AVEN: variants seen among roughly 807,000 people sequenced by gnomAD.
AVEN encodes apoptosis and caspase activation inhibitor, also known as cell death regulator Aven.
AVEN carries 41 observed loss-of-function variants against 38.1 expected under a neutral mutation model. That is an observed-to-expected ratio of 1.08 (90% CI 0.84 to 1.40). The LOEUF (loss-of-function observed/expected upper bound fraction) is 1.40. Ranked by LOEUF, AVEN falls within the 40% of genes most tolerant of loss-of-function variation. The pLI, the probability that AVEN is intolerant of heterozygous loss-of-function variation, is 0.00. For missense variants in AVEN, 605 were observed against 438.8 expected (o/e 1.38, Z -3.38); for synonymous variants, 206 against 171.8 (o/e 1.20, Z -1.56).
At chr15:33,998,968 G>C (rs1897040045) in intron 2 of AVEN, among the ~76,000 whole-genome samples, 5 of 152,156 alleles carry the variant, frequency 3.3e-5, no homozygotes, top group Admixed American at 2.0e-4. Context: ...CCCAGGCCTG[G>C]ATCCTGAACC....
In AVEN at chr15:33,866,575, G is replaced by T; in HGVS notation, c.*38C>A. 6.6e-7 allele frequency: 1 copy of T among 1,526,590 alleles called. No individual in the cohort carries two copies. The highest frequency in any genetic ancestry group is 9.1e-7 in the Non-Finnish European group (1 of 1,102,180). The allele number at this position is 1,526,590 out of a possible 1,614,324, so 94.6% of individuals were successfully genotyped here. On this transcript the variant is annotated 3_prime_UTR_variant, in exon 6 of 6. Transcript: ENST00000306730. ...CCTTATGCCCACCTGCCGTTAGAAG[G>T]CAACCAAGATTTGCTTCAGGCACTT...
At position 34,017,057 on chromosome 15, in the gene AVEN, G is replaced by C. The variant is rs183032184; in HGVS notation, c.268-13848C>G. Among the ~76,000 whole-genome samples, 370 of 152,060 alleles carry C rather than the reference G, an allele frequency of 2.4e-3. 1 individual carries two copies. Among genetic ancestry groups the C allele is most frequent in the Non-Finnish European group, 3.1e-3 (209 of 67,984 alleles). ...GAGGTGGGAGGATCACCTCAGCCTG[G>C]GGAGGTCAAGGCTGTAATGAGCTGT... On this transcript the variant is annotated intron_variant, in intron 1 of 5. Transcript: ENST00000306730.
chr15:34,011,029 T>C (rs140262371), intron 1 of AVEN, among the ~76,000 whole-genome samples: 203 of 152,252 alleles, frequency 1.3e-3, no homozygotes, highest in African/African-American at 4.7e-3. Flanking sequence ...TTTTCGATAT[T>C]TGAAAAGTGT....
downstream of AVEN, among the ~76,000 whole-genome samples, chr15:33,863,511 A>G (rs969722186): frequency 1.3e-5 from 2 of 152,186 alleles, no homozygotes; most frequent in African/African-American, 2.4e-5. Flanking sequence ...TCCTTTGGAA[A>G]CGGTCTCTGA....
chr15:33,859,377 T>C (rs1274921516), intron 11 of AVEN, among the ~76,000 whole-genome samples: 1 of 152,234 alleles, frequency 6.6e-6, no homozygotes, highest in Non-Finnish European at 1.5e-5. Flanking sequence ...CGACAGTCTT[T>C]CCATCTTTGT....
intron 1 of AVEN, among the ~76,000 whole-genome samples, chr15:34,032,404 T>G (rs560835272): frequency 1.3e-5 from 2 of 152,214 alleles, no homozygotes; most frequent in East Asian, 1.9e-4. Flanking sequence ...CACATGCCAG[T>G]GGTATCGATT....
At chr15:33,985,920 C>G (rs1220706131) in intron 2 of AVEN, among the ~76,000 whole-genome samples, 1 of 152,130 alleles carries the variant, frequency 6.6e-6, no homozygotes, top group Non-Finnish European at 1.5e-5. Flanking sequence ...ATGATTCTCT[C>G]AAGGGCAGAA....
downstream of AVEN, among the ~76,000 whole-genome samples, chr15:33,863,920 A>C (rs1273086984): frequency 6.6e-6 from 1 of 152,210 alleles, no homozygotes; most frequent in Non-Finnish European, 1.5e-5. Flanking sequence ...GGGATGGCAA[A>C]AAGCATCTCT....
At chr15:34,013,069 G>GT (rs1226617652) in intron 1 of AVEN, among the ~76,000 whole-genome samples, 115 of 145,104 alleles carry the variant, frequency 7.9e-4, no homozygotes, top group African/African-American at 1.4e-3. Flanking sequence ...TTGTTTGTTT[G>GT]TTTGTTTTTT....
chr15:34,051,502 T>G (rs1899923679), intron 5 of AVEN, among the ~76,000 whole-genome samples: 1 of 152,070 alleles, frequency 6.6e-6, no homozygotes, highest in African/African-American at 2.4e-5. Flanking sequence ...AGAGTTGAAC[T>G]GAAGGAGATA....
At chr15:33,932,838 C>CAAACAAATAAAT (rs1555508058) in intron 2 of AVEN, among the ~76,000 whole-genome samples, 1 of 146,998 alleles carries the variant, frequency 6.8e-6, no homozygotes, top group African/African-American at 2.5e-5. Context: ...AATAAACAAA[C>CAAACAAATAAAT]AAATAAATAA....
intron 2 of AVEN, among the ~76,000 whole-genome samples, chr15:33,926,262 T>G (rs1893604073): frequency 6.6e-6 from 1 of 152,212 alleles, no homozygotes; most frequent in African/African-American, 2.4e-5. Context: ...CTCCTTTCAT[T>G]CTAGCTTCTC....
At chr15:33,962,326 C>A (rs1383254685) in intron 2 of AVEN, among the ~76,000 whole-genome samples, 2 of 152,132 alleles carry the variant, frequency 1.3e-5, no homozygotes, top group African/African-American at 4.8e-5. Context: ...GTTCAATATT[C>A]TCTCTTGATT....
At chr15:34,033,829 C>G (rs1203409001) in intron 1 of AVEN, among the ~76,000 whole-genome samples, 1 of 152,128 alleles carries the variant, frequency 6.6e-6, no homozygotes, top group East Asian at 1.9e-4. Context: ...CATTCTGTCT[C>G]CAGGGTAAAG....
At chr15:33,876,364 G>A (rs1179743836) in intron 2 of AVEN, among the ~76,000 whole-genome samples, 1 of 152,148 alleles carries the variant, frequency 6.6e-6, no homozygotes, top group East Asian at 1.9e-4. Context: ...TTGAGGTCAG[G>A]AGTACAAGAC....
chr15:33,863,028 G>GGTA, downstream of AVEN, among the ~76,000 whole-genome samples: 1 of 152,282 alleles, frequency 6.6e-6, no homozygotes, highest in East Asian at 1.9e-4. Flanking sequence ...TGAGCCCATG[G>GGTA]CCACGTGTCT....
chr15:33,945,109 G>T (rs1472953642), intron 2 of AVEN, among the ~76,000 whole-genome samples: 3 of 152,162 alleles, frequency 2.0e-5, no homozygotes, highest in African/African-American at 7.2e-5. Flanking sequence ...TCCCTGAATG[G>T]CAATAACCCA....
chr15:34,033,145 AT>A (rs1344824374), intron 1 of AVEN, among the ~76,000 whole-genome samples: 6 of 152,214 alleles, frequency 3.9e-5, no homozygotes, highest in Non-Finnish European at 8.8e-5. Context: ...AGTAATGTTC[AT>A]CCACGGATAC....
intron 2 of AVEN, among the ~76,000 whole-genome samples, chr15:33,918,814 A>C (rs1266720876): frequency 6.6e-6 from 1 of 152,088 alleles, no homozygotes; most frequent in Admixed American, 6.5e-5. Context: ...TAATTGACTA[A>C]ACAGAATTTC....
Sources: allele counts gnomAD v4.1 joint callset (sites outside exome capture counted in the v4.1 genomes callset), GRCh38; gene constraint gnomAD v4.1.1; transcripts MANE v1.5; gene names NCBI Gene and HGNC (gene_info 2026-07-23, HGNC 2026-07-21).